Variants in GNB1 observed in about 807,000 individuals in gnomAD.
GNB1 encodes the protein guanine nucleotide-binding protein G(I)/G(S)/G(T) subunit beta-1.
GNB1 carries 2 observed loss-of-function variants against 42.9 expected under a neutral mutation model. That is an observed-to-expected ratio of 0.05 (90% confidence interval 0.02 to 0.15). The LOEUF (loss-of-function observed/expected upper bound fraction) is 0.15. Ranked by LOEUF, GNB1 falls within the 10% of genes least tolerant of loss-of-function variation. The probability of loss-of-function intolerance (pLI) is 1.00; values close to 1 mark genes in which losing one functional copy is unlikely to be tolerated. For synonymous variants in GNB1, 183 were observed against 174.7 expected (o/e 1.05, Z -0.38); for missense variants, 193 against 462.2 (o/e 0.42, Z 5.34).
Position 1,836,852 on chromosome 1 carries a change from CTAACT to C in GNB1, c.-47+2333_-47+2337del, listed in dbSNP as rs1413385187. Among the ~76,000 whole-genome samples, 359 of 142,596 alleles carry C rather than the reference CTAACT, an allele frequency of 2.5e-3. 1 individual carries two copies. Among genetic ancestry groups the C allele is most frequent in the African/African-American group, 8.9e-3 (338 of 37,806 alleles). 93.5% of individuals were successfully genotyped at this position (142,596 alleles called of 152,430 possible). A position where few individuals can be genotyped will look rare whatever the true frequency, so the allele number is the denominator to read the frequency against. On this transcript the variant is annotated intron_variant, in intron 2 of 11. Coordinates refer to ENST00000378609, the MANE Select transcript of GNB1 (RefSeq NM_002074.5). ...AGGTGTGAGCCACCGTGCCCGACTG[CTAACT>C]TTTTTTTTTTTTTTTTTTTGAAGAG...
chr1:1,787,495 G>T lies in GNB1; in HGVS notation c.917-58C>A. ...GCCCAGAGGCATCGATCTCACCTGTGTGCCATGTTGTGACGAGGACGGATG... is the reference window on the plus strand; with the variant it reads ...GCCCAGAGGCATCGATCTCACCTGTTTGCCATGTTGTGACGAGGACGGATG... On this transcript the variant is annotated intron_variant, in intron 10 of 11. Transcript: ENST00000378609. This position sits in a 1 kb window ranked among gnomAD's most constrained non-coding sequence, Gnocchi z 4.4. 9.9e-7 allele frequency: 1 copy of T among 1,006,826 alleles called. No individual in the cohort carries two copies. The highest frequency in any genetic ancestry group is 1.6e-6 in the Non-Finnish European group (1 of 638,898). The allele number at this position is 1,006,826 out of a possible 1,614,324, so 62.4% of individuals were successfully genotyped here.
chr1:1,887,936 CAAT>C lies in GNB1; in HGVS notation c.-96+2881_-96+2883del, dbSNP rs1210343737. 4.6e-5 allele frequency among the ~76,000 whole-genome samples: 7 copies of C among 152,200 alleles called. No homozygotes were observed. In the East Asian group the frequency reaches 1.2e-3, roughly 25 times the overall value. ...AGTGGGTTTTACTCTTAAAAACAAA[CAAT>C]AAAAAAACCACACACTATTCTGCAG... On this transcript the variant is annotated intron_variant, in intron 1 of 11. Transcript: ENST00000378609.
At chr1:1,867,460 GCTA>G (rs1649006707) in intron 1 of GNB1, among the ~76,000 whole-genome samples, 1 of 152,078 alleles carries the variant, frequency 6.6e-6, no homozygotes, top group African/African-American at 2.4e-5. Flanking sequence ...TATTTTAGTG[GCTA>G]CTGACAATTT....
chr1:1,852,898 C>A (rs1466861077), intron 1 of GNB1, among the ~76,000 whole-genome samples: 1 of 152,096 alleles, frequency 6.6e-6, no homozygotes. Context: ...TCTCTCAAGT[C>A]GAGGATCCAC....
At chr1:1,877,860 G>C (rs1417870088) in intron 1 of GNB1, among the ~76,000 whole-genome samples, 1 of 152,142 alleles carries the variant, frequency 6.6e-6, no homozygotes, top group Non-Finnish European at 1.5e-5. Flanking sequence ...ATAAGATTTA[G>C]GCATGTTTGA....
chr1:1,845,821 CCATACACA>C (rs1329620964), intron 1 of GNB1, among the ~76,000 whole-genome samples: 96 of 96,296 alleles, frequency 1.0e-3, no homozygotes, highest in African/African-American at 4.0e-3. Context: ...GTGTGTAAGT[CCATACACA>C]CACACACACA....
intron 7 of GNB1, among the ~76,000 whole-genome samples, chr1:1,798,410 G>A (rs1203886261): frequency 1.3e-5 from 2 of 152,226 alleles, no homozygotes; most frequent in African/African-American, 4.8e-5. Flanking sequence ...AAAATGTTCT[G>A]CTTCTCACTA....
At position 1,851,336 on chromosome 1, in the gene GNB1, G is replaced by A. The variant is rs6670838; in HGVS notation, c.-95-12098C>T. 8.2e-3 allele frequency among the ~76,000 whole-genome samples: 1,247 copies of A among 151,990 alleles called. 22 individuals carry two copies. The highest frequency in any genetic ancestry group is 0.029 in the African/African-American group (1,197 of 41,426). ...GAGGCAGGAGAATCGCTTGAACCCGGGAGGCGGAGGTTGCAGTGAGCCGAG... is the reference window on the plus strand; with the variant it reads ...GAGGCAGGAGAATCGCTTGAACCCGAGAGGCGGAGGTTGCAGTGAGCCGAG... On this transcript the variant is annotated intron_variant, in intron 1 of 11. Coordinates refer to ENST00000378609, the MANE Select transcript of GNB1 (RefSeq NM_002074.5).
intron 1 of GNB1, among the ~76,000 whole-genome samples, chr1:1,851,999 C>A (rs61774994): frequency 0.044 from 6,579 of 150,858 alleles, 224 homozygotes; most frequent in Middle Eastern, 0.07. Context: ...GCCAAGATAG[C>A]GCCATTGCAC....
At position 1,860,967 on chromosome 1, in the gene GNB1, G is replaced by A. The variant is rs192492738; in HGVS notation, c.-95-21729C>T. Among the ~76,000 whole-genome samples, 1,250 of 151,536 alleles carry A rather than the reference G, an allele frequency of 8.2e-3. 21 individuals are homozygous for A. The highest frequency in any genetic ancestry group is 0.029 in the African/African-American group (1,213 of 41,294). ...TACTAAAAATACAAAAATTAGCTGG[G>A]CATGGTGGCACGAGCCTGTAGTCCC... is the stretch of plus-strand genomic sequence containing the variant. On this transcript the variant is annotated intron_variant, in intron 1 of 11. Coordinates refer to ENST00000378609, the MANE Select transcript of GNB1 (RefSeq NM_002074.5).
intron 5 of GNB1, among the ~76,000 whole-genome samples, chr1:1,812,781 G>A (rs1003405249): frequency 4.6e-5 from 7 of 152,008 alleles, no homozygotes; most frequent in Non-Finnish European, 7.4e-5. Flanking sequence ...TGAGACAGAC[G>A]GAACATAAAG....
chr1:1,882,236 G>C lies in GNB1; in HGVS notation c.-96+8584C>G, dbSNP rs140742197. On this transcript the variant is annotated intron_variant, in intron 1 of 11. Coordinates refer to ENST00000378609, the MANE Select transcript of GNB1 (RefSeq NM_002074.5). Reference sequence around the variant, plus strand: ...GGCCAAGGAGTTCAAGAGCGGCATGGGCAACAAGGTGAAACACCATCTCTA... The same window carrying C: ...GGCCAAGGAGTTCAAGAGCGGCATGCGCAACAAGGTGAAACACCATCTCTA... Among the ~76,000 whole-genome samples, 33 of 151,906 alleles carry C rather than the reference G, an allele frequency of 2.2e-4. No homozygotes were observed. In the East Asian group the frequency reaches 6.2e-3, roughly 29 times the overall value.
chr1:1,805,263 A>G (rs1253630963), intron 6 of GNB1, among the ~76,000 whole-genome samples: 1 of 152,128 alleles, frequency 6.6e-6, no homozygotes. Context: ...ATTCGAGACC[A>G]GCCTGGCCTC....
chr1:1,876,048 G>C (rs1173222959), intron 1 of GNB1, among the ~76,000 whole-genome samples: 2 of 152,112 alleles, frequency 1.3e-5, no homozygotes, highest in Non-Finnish European at 2.9e-5. Flanking sequence ...AAGCCACACT[G>C]CTGGCACCCA....
chr1:1,855,430 G>A (rs914555380), intron 1 of GNB1, among the ~76,000 whole-genome samples: 8 of 151,858 alleles, frequency 5.3e-5, no homozygotes, highest in East Asian at 1.9e-4. Context: ...GGCCGGGCGC[G>A]GTGGCTCACG....
Position 1,785,699 on chromosome 1 carries a change from G to A in GNB1, c.*1364C>T. 6.5e-6 allele frequency: 2 copies of A among 309,996 alleles called. No homozygotes were observed. Among genetic ancestry groups the A allele is most frequent in the Non-Finnish European group, 1.2e-5 (2 of 171,016 alleles). The allele number at this position is 309,996 out of a possible 1,614,324, so 19.2% of individuals were successfully genotyped here. On this transcript the variant is annotated 3_prime_UTR_variant, in exon 12 of 12. Transcript: ENST00000378609. ...GGGAATGAGCCACCTCAGATGTGGA[G>A]GGCCCTGAAGAATCCATATAGGAGG...
chr1:1,814,927 A>G (rs1269031057), intron 5 of GNB1, among the ~76,000 whole-genome samples: 2 of 151,874 alleles, frequency 1.3e-5, no homozygotes, highest in Non-Finnish European at 2.9e-5. Context: ...CCTGGCTAAC[A>G]TGGTGAAACC....
chr1:1,803,990 AAAAAAAAAAAAAAG>A (rs1397963821), intron 7 of GNB1, among the ~76,000 whole-genome samples: 6 of 92,444 alleles, frequency 6.5e-5, no homozygotes, highest in African/African-American at 1.6e-4. Flanking sequence ...TTTAAAAAAA[AAAAAAAAAAAAAAG>A]AAAAAAAGGC....
At chr1:1,801,989 G>A (rs1044408208) in intron 7 of GNB1, among the ~76,000 whole-genome samples, 2 of 152,180 alleles carry the variant, frequency 1.3e-5, no homozygotes, top group Non-Finnish European at 2.9e-5. Context: ...AGTTCATCAT[G>A]AGAGCAGGGT....
Sources: gnomAD v4.1 joint callset for allele counts (sites outside exome capture counted in the v4.1 genomes callset) on GRCh38, gnomAD v4.1.1 for gene constraint, Gnocchi (gnomAD v3.1) non-coding constraint, MANE v1.5 for transcripts, NCBI Gene and HGNC (gene_info 2026-07-23, HGNC 2026-07-21) for gene names.